The following TENM2 variants were observed in gnomAD, a reference collection of about 807,000 sequenced individuals.
TENM2 encodes teneurin-2.
Under a neutral mutation model 245.2 loss-of-function variants are expected in TENM2, and 52 were observed. The observed-to-expected ratio is 0.21, with a 90% CI of 0.17 to 0.27. The LOEUF (loss-of-function observed/expected upper bound fraction) is 0.27, where lower values mean the gene tolerates loss of function less well. TENM2 is among the 10% of genes least tolerant of loss of function. The pLI is 1.00. For synonymous variants in TENM2, 1,363 were observed against 1,438.9 expected, an observed-to-expected ratio of 0.95 and a Z score of 1.19; for missense variants, 3,046 against 3,666.8, an observed-to-expected ratio of 0.83 and a Z score of 4.37.
intron 2 of TENM2, among the ~76,000 whole-genome samples, chr5:167,401,460 G>A (rs942273002): frequency 1.1e-4 from 17 of 152,236 alleles, no homozygotes; most frequent in African/African-American, 3.9e-4. Context: ...AATTTATATA[G>A]CATTTGAGGA....
At chr5:167,147,585 T>A in the TENM2 span, among the ~76,000 whole-genome samples, 48 of 152,286 alleles carry the variant, frequency 3.2e-4, no homozygotes, top group Admixed American at 7.8e-4. Context: ...ATATTTCATA[T>A]GTTCACACCT....
At chr5:168,080,078 T>C (rs1198265902) in intron 7 of TENM2, among the ~76,000 whole-genome samples, 1 of 152,224 alleles carries the variant, frequency 6.6e-6, no homozygotes, top group Admixed American at 6.5e-5. Flanking sequence ...TTTTGGTTGG[T>C]AAGCTATTAA....
At chr5:167,548,720 A>T (rs143580647) in intron 2 of TENM2, among the ~76,000 whole-genome samples, 7 of 152,246 alleles carry the variant, frequency 4.6e-5, no homozygotes, top group African/African-American at 1.7e-4. Context: ...CATTTACTTT[A>T]AATACCTAAA....
At chr5:167,378,593 A>G (rs1199874102) in intron 2 of TENM2, among the ~76,000 whole-genome samples, 3 of 152,186 alleles carry the variant, frequency 2.0e-5, no homozygotes, top group East Asian at 3.9e-4. Context: ...CAGCCCGGCC[A>G]AGTTTTTGCT....
At chr5:168,206,690 G>T (rs1762375316) in intron 19 of TENM2, among the ~76,000 whole-genome samples, 1 of 152,144 alleles carries the variant, frequency 6.6e-6, no homozygotes, top group South Asian at 2.1e-4. Flanking sequence ...CCAAGATGTT[G>T]TTTTTGTTTG....
At chr5:167,016,062 A>G in the TENM2 span, among the ~76,000 whole-genome samples, 6,152 of 151,818 alleles carry the variant, frequency 0.041, 141 homozygotes, top group South Asian at 0.11. Context: ...AGACCATCCT[A>G]GCTAACACGA....
At chr5:168,125,916 G>A (rs942913179) in intron 11 of TENM2, among the ~76,000 whole-genome samples, 26 of 152,120 alleles carry the variant, frequency 1.7e-4, no homozygotes, top group Non-Finnish European at 1.3e-4. Flanking sequence ...CAGATATGCT[G>A]TGTGACTTTG....
intron 18 of TENM2, among the ~76,000 whole-genome samples, chr5:168,204,136 A>T (rs1762161724): frequency 1.3e-5 from 2 of 150,974 alleles, no homozygotes; most frequent in South Asian, 2.1e-4. Context: ...CCAGCCTACC[A>T]GGAAGCTGGG....
chr5:167,622,388 G>A (rs1394947866), intron 2 of TENM2, among the ~76,000 whole-genome samples: 1 of 152,124 alleles, frequency 6.6e-6, no homozygotes, highest in African/African-American at 2.4e-5. Flanking sequence ...TTTAAAAGAA[G>A]AAGCCTCAGA....
intron 2 of TENM2, among the ~76,000 whole-genome samples, chr5:167,874,764 G>A (rs778384773): frequency 1.3e-5 from 2 of 152,218 alleles, no homozygotes; most frequent in Admixed American, 6.5e-5. Flanking sequence ...ATGTGAAGGA[G>A]AGGATGCAGC....
intron 2 of TENM2, among the ~76,000 whole-genome samples, chr5:167,874,360 A>G (rs1773242056): frequency 6.6e-6 from 1 of 152,230 alleles, no homozygotes; most frequent in African/African-American, 2.4e-5. Flanking sequence ...CATAAATAGC[A>G]TTAAATTCAC....
At chr5:168,204,350 T>A (rs1247085994) in intron 18 of TENM2, 22 bp from the exon 21 acceptor site, 2 of 1,606,144 alleles carry the variant, frequency 1.2e-6, no homozygotes, top group Non-Finnish European at 1.7e-6. Context: ...CAGTAACCCC[T>A]CCCATTCTCC....
rs115953048 is a variant in TENM2, at chr5:168,239,049, T to C, written c.5521-5371T>C. ...CAAGGTTAATTTAAATATTGCTAGC[T>C]GGGTAATTTAATTCAGAATAAGAGA... On this transcript the variant is annotated intron_variant, in intron 25 of 28. Transcript: ENST00000518659. Among the ~76,000 whole-genome samples the C allele has an allele frequency of 5.0e-3, 763 of 152,260 alleles. 9 individuals are homozygous for C. The highest frequency in any genetic ancestry group is 0.018 in the African/African-American group (729 of 41,542).
At chr5:167,715,374 G>T (rs1264209467) in intron 2 of TENM2, among the ~76,000 whole-genome samples, 2 of 152,146 alleles carry the variant, frequency 1.3e-5, no homozygotes, top group East Asian at 3.9e-4. Flanking sequence ...GAAGTCTTCA[G>T]CTGGAGGCAG....
chr5:167,779,106 A>C (rs1764006572), intron 2 of TENM2, among the ~76,000 whole-genome samples: 1 of 152,230 alleles, frequency 6.6e-6, no homozygotes, highest in Admixed American at 6.5e-5. Context: ...GTGAAAAGAA[A>C]AGTATTCTCA....
At chr5:168,001,250 T>C (rs1042074720) in intron 5 of TENM2, among the ~76,000 whole-genome samples, 1 of 152,220 alleles carries the variant, frequency 6.6e-6, no homozygotes, top group African/African-American at 2.4e-5. Context: ...AAGGAATGGT[T>C]AGGGGGCCAT....
At chr5:167,983,950 A>G (rs1562015014) in intron 4 of TENM2, among the ~76,000 whole-genome samples, 1 of 152,206 alleles carries the variant, frequency 6.6e-6, no homozygotes, top group Non-Finnish European at 1.5e-5. Flanking sequence ...AATATACTAT[A>G]CACGGCTCCT....
intron 1 of TENM2, among the ~76,000 whole-genome samples, chr5:167,352,179 T>C (rs1240436424): frequency 6.6e-6 from 1 of 152,220 alleles, no homozygotes; most frequent in Non-Finnish European, 1.5e-5. Context: ...CCTTCTTAAA[T>C]GACAGAAGTC....
At chr5:167,638,291 A>C (rs1348837998) in intron 2 of TENM2, among the ~76,000 whole-genome samples, 1 of 152,218 alleles carries the variant, frequency 6.6e-6, no homozygotes, top group African/African-American at 2.4e-5. Flanking sequence ...TGATCTGAAA[A>C]GGAGCTTTAG....
Sources: gnomAD v4.1 joint callset for allele counts (sites outside exome capture counted in the v4.1 genomes callset) on GRCh38, gnomAD v4.1.1 for gene constraint, MANE v1.5 for transcripts, NCBI Gene and HGNC (gene_info 2026-07-23, HGNC 2026-07-21) for gene names.